Variants in MORC3 observed in about 807,000 individuals in gnomAD.
MORC3 encodes the protein MORC family CW-type zinc finger protein 3.
A neutral mutation model predicts 109.1 loss-of-function variants in MORC3; 31 were observed. The observed-to-expected ratio is 0.28, with a 90% confidence interval of 0.21 to 0.38. The LOEUF (loss-of-function observed/expected upper bound fraction) is 0.38. MORC3 is among the 10% of genes least tolerant of loss of function. The pLI is 1.00. For synonymous variants in MORC3, 395 were observed against 380.7 expected, an observed-to-expected ratio of 1.04 and a Z score of -0.44; for missense variants, 867 against 1,135.8, an observed-to-expected ratio of 0.76 and a Z score of 3.40.
chr21:36,368,935 C>T, intron 14 of MORC3, 53 bp from the exon 15 acceptor site: 1 of 1,423,446 alleles, frequency 7.0e-7, no homozygotes, highest in Non-Finnish European at 9.4e-7. Flanking sequence ...TCAAGGTCAT[C>T]TATTTTGTCC....
chr21:36,325,688 C>T (rs1418759608), intron 1 of MORC3, among the ~76,000 whole-genome samples: 1 of 152,140 alleles, frequency 6.6e-6, no homozygotes, highest in African/African-American at 2.4e-5. Flanking sequence ...TGCAGTTTTG[C>T]TTTCTTCGGT....
chr21:36,360,010 T>C lies in MORC3; in HGVS notation c.1264T>C (p.Leu422=), dbSNP rs1159140572. Residue 422 remains leucine, a synonymous_variant, in exon 11 of 17, where the codon TTA becomes CTA. Coordinates refer to ENST00000400485, the MANE Select transcript of MORC3 (RefSeq NM_015358.3). The part of the protein sequence containing the change: ...QCDACLKWRK[L]PDGMDQLPEK... ...TGATGCCTGTCTAAAGTGGCGGAAA[T>C]TACCTGATGGGATGGATCAACTTCC... The C allele has an allele frequency of 6.2e-7, 1 of 1,614,026 alleles. No individual in the cohort carries two copies. Among genetic ancestry groups the C allele is most frequent in the Middle Eastern group, 1.6e-4 (1 of 6,084 alleles).
Position 36,369,219 on chromosome 21 carries a change from A to C in MORC3, c.1851A>C (p.Glu617Asp). The change falls in exon 15 of 17, where the codon GAA becomes GAC. Residue 617 changes from glutamate to aspartate, a missense_variant. Glu to Asp is a conservative substitution (Grantham distance 45). Around this residue, in one of 7 missense-constraint regions of MORC3, gnomAD observed 486 missense variants for 502.1 expected, o/e 0.97. Coordinates refer to ENST00000400485, the MANE Select transcript of MORC3 (RefSeq NM_015358.3). The part of the protein sequence containing the change: ...GVQVEFVGDS[E>D]PCGQTGSTST... ...AGGTTGAGTTTGTGGGTGACAGTGA[A>C]CCTTGTGGCCAGACTGGTTCAACAA... 1 of 1,614,170 alleles carries C rather than the reference A, an allele frequency of 6.2e-7. No individual in the cohort carries two copies. The highest frequency in any genetic ancestry group is 1.1e-5 in the South Asian group (1 of 91,080).
intron 5 of MORC3, 133 bp downstream of exon 5, chr21:36,339,054 T>G: frequency 3.8e-6 from 4 of 1,063,322 alleles, no homozygotes; most frequent in Non-Finnish European, 5.4e-6. Context: ...AGTTACTGAT[T>G]TGTCTTTGCC....
chr21:36,356,324 A>G (rs1417807369), intron 9 of MORC3, among the ~76,000 whole-genome samples: 1 of 152,182 alleles, frequency 6.6e-6, no homozygotes, highest in Non-Finnish European at 1.5e-5. Flanking sequence ...TTATGCATTC[A>G]TGACATATCT....
chr21:36,329,077 G>C (rs1055105544), intron 1 of MORC3, among the ~76,000 whole-genome samples: 1 of 152,148 alleles, frequency 6.6e-6, no homozygotes, highest in African/African-American at 2.4e-5. Context: ...CGGATCGCCT[G>C]AGGTCGGCAG....
chr21:36,353,619 A>G (rs1040256335), intron 9 of MORC3, among the ~76,000 whole-genome samples: 1 of 151,526 alleles, frequency 6.6e-6, no homozygotes, highest in African/African-American at 2.4e-5. Flanking sequence ...TTGCTCTGTC[A>G]TCCAGTCTGG....
At chr21:36,353,578 T>TTA (rs772045187) in intron 9 of MORC3, among the ~76,000 whole-genome samples, 4 of 151,198 alleles carry the variant, frequency 2.6e-5, no homozygotes, top group Admixed American at 6.6e-5. Flanking sequence ...CCATCTCTAC[T>TTA]ATTTTATTTA....
At chr21:36,334,538 G>A (rs1198227725) in intron 2 of MORC3, among the ~76,000 whole-genome samples, 5 of 152,142 alleles carry the variant, frequency 3.3e-5, no homozygotes, top group African/African-American at 9.7e-5. Context: ...GGGCTCAGGC[G>A]ATCCTCCCAC....
intron 8 of MORC3, among the ~76,000 whole-genome samples, chr21:36,346,799 G>A (rs906740645): frequency 6.6e-6 from 1 of 151,702 alleles, no homozygotes; most frequent in African/African-American, 2.4e-5. Flanking sequence ...ACAGGGTGAG[G>A]TCCTATCTCA....
At chr21:36,363,355 A>AG (rs888411171) in intron 13 of MORC3, among the ~76,000 whole-genome samples, 9 of 152,190 alleles carry the variant, frequency 5.9e-5, no homozygotes, top group African/African-American at 2.2e-4. Flanking sequence ...TGGAGGTTGC[A>AG]GTGAGCCAAG....
In MORC3 at chr21:36,375,874, A is replaced by T. The variant is rs955960119; in HGVS notation, c.*578A>T. On this transcript the variant is annotated 3_prime_UTR_variant, in exon 17 of 17. Transcript: ENST00000400485. ...AATAAGGTAAGCAAAAACCAACTCC[A>T]TTTTGCCAGGATTTTGTTGTGCTGA... is the stretch of plus-strand genomic sequence containing the variant. 1 of 152,228 alleles carries T rather than the reference A, an allele frequency of 6.6e-6. No homozygotes were observed. Among genetic ancestry groups the T allele is most frequent in the Non-Finnish European group, 1.5e-5 (1 of 68,020 alleles). The allele number at this position is 152,228 out of a possible 1,614,324, so 9.4% of individuals were successfully genotyped here. A position where few individuals can be genotyped will look rare whatever the true frequency, so the allele number is the denominator to read the frequency against.
At chr21:36,350,184 G>A (rs1170084611) in intron 9 of MORC3, among the ~76,000 whole-genome samples, 1 of 152,112 alleles carries the variant, frequency 6.6e-6, no homozygotes, top group Non-Finnish European at 1.5e-5. Flanking sequence ...GCATGTGTCT[G>A]TGGTCCCAGC....
intron 1 of MORC3, among the ~76,000 whole-genome samples, chr21:36,329,469 T>C (rs2085288978): frequency 6.6e-6 from 1 of 152,046 alleles, no homozygotes; most frequent in Non-Finnish European, 1.5e-5. Context: ...ATGAGGGGAA[T>C]CATGTGAATG....
intron 5 of MORC3, among the ~76,000 whole-genome samples, chr21:36,340,723 G>T (rs1277372210): frequency 7.0e-6 from 1 of 143,220 alleles, no homozygotes; most frequent in Admixed American, 7.5e-5. Flanking sequence ...TGCAACCTCC[G>T]CCCACCGGGT....
At chr21:36,333,801 TA>T in intron 2 of MORC3, 83 bp downstream of exon 2, 1 of 1,140,390 alleles carries the variant, frequency 8.8e-7, no homozygotes. Context: ...TTTTTTTTTT[TA>T]AACAGAGTCT....
chr21:36,349,572 A>G (rs2085548493), intron 9 of MORC3, among the ~76,000 whole-genome samples, 164 bp downstream of exon 9: 1 of 152,150 alleles, frequency 6.6e-6, no homozygotes, highest in African/African-American at 2.4e-5. Flanking sequence ...AGAATGGAAG[A>G]TGGTTATATT....
At chr21:36,324,707 T>C (rs1377184273) in intron 1 of MORC3, among the ~76,000 whole-genome samples, 1 of 127,586 alleles carries the variant, frequency 7.8e-6, no homozygotes, top group Non-Finnish European at 1.6e-5. Context: ...AGCCTTCTCA[T>C]TTTTTTTTTT....
chr21:36,372,427 C>G lies in MORC3; in HGVS notation c.2562C>G (p.Leu854=), dbSNP rs1341368529. The change falls in exon 16 of 17, where the codon CTC becomes CTG. Residue 854 remains leucine (L), a synonymous_variant. Coordinates refer to ENST00000400485, the MANE Select transcript of MORC3 (RefSeq NM_015358.3). ...KSQIRSQCEE[L]KTEVEQLKST... ...AAATCCGTTCACAGTGTGAAGAACTCAAAACTGAAGTAGAACAGTTAAAAT... is the reference window on the plus strand; with the variant it reads ...AAATCCGTTCACAGTGTGAAGAACTGAAAACTGAAGTAGAACAGTTAAAAT... The G allele has an allele frequency of 1.2e-6, 2 of 1,601,670 alleles. No individual in the cohort carries two copies. Among genetic ancestry groups the G allele is most frequent in the Non-Finnish European group, 1.7e-6 (2 of 1,177,462 alleles).
Sources: allele counts gnomAD v4.1 joint callset (sites outside exome capture counted in the v4.1 genomes callset), GRCh38; gene constraint gnomAD v4.1.1; regional missense constraint gnomAD v4.1.1; transcripts MANE v1.5; gene names NCBI Gene and HGNC (gene_info 2026-07-23, HGNC 2026-07-21).